IQCH: variants seen among roughly 807,000 people sequenced by gnomAD.
The protein encoded by IQCH is IQ motif containing H.
IQCH carries 98 observed loss-of-function variants against 117.0 expected under a neutral mutation model. The ratio of observed to expected loss-of-function variants is 0.84; its 90% confidence interval spans 0.71 to 0.99. IQCH has a LOEUF of 0.99. Among genes scored for constraint, IQCH ranks in the 50% least tolerant of loss-of-function variants. The pLI is 0.00. For synonymous variants in IQCH, 412 were observed against 448.2 expected (o/e 0.92, Z 1.02); for missense variants, 1,102 against 1,243.8 (o/e 0.89, Z 1.72).
At position 67,459,181 on chromosome 15, in the gene IQCH, T is replaced by G. The variant is rs1180453347; in HGVS notation, c.2506-5946T>G. The stretch of plus-strand genomic sequence containing the variant: ...TGGGTCATTTATCCTGTCTGAAATC[T>G]CTGGTTCTTCTTACAAAAAGAAAAA... On this transcript the variant is annotated intron_variant, in intron 16 of 20. Coordinates refer to ENST00000335894, the MANE Select transcript of IQCH (RefSeq NM_001031715.3). The surrounding 1 kb of genome is among the most constrained non-coding windows in gnomAD (Gnocchi z 4.2). 6.6e-6 allele frequency among the ~76,000 whole-genome samples: 1 copy of G among 152,156 alleles called. No individual in the cohort carries two copies. Among genetic ancestry groups the G allele is most frequent in the African/African-American group, 2.4e-5 (1 of 41,434 alleles).
intron 16 of IQCH, among the ~76,000 whole-genome samples, chr15:67,444,690 T>A (rs1042012802): frequency 6.6e-6 from 1 of 152,226 alleles, no homozygotes; most frequent in East Asian, 1.9e-4. Context: ...TTTATTCTTA[T>A]AATTAGCTTG....
At chr15:67,276,777 T>C (rs1362520730) in intron 3 of IQCH, among the ~76,000 whole-genome samples, 1 of 152,194 alleles carries the variant, frequency 6.6e-6, no homozygotes, top group African/African-American at 2.4e-5. Context: ...ATAGTTTAAA[T>C]ATGATATGTA....
chr15:67,478,541 G>A (rs1400233143), intron 18 of IQCH, among the ~76,000 whole-genome samples: 1 of 152,096 alleles, frequency 6.6e-6, no homozygotes, highest in African/African-American at 2.4e-5. Flanking sequence ...ATGAAACAAT[G>A]CAAAGAAGAA....
intron 17 of IQCH, among the ~76,000 whole-genome samples, chr15:67,469,033 T>C (rs180870987): frequency 1.3e-5 from 2 of 152,362 alleles, no homozygotes. Flanking sequence ...AAGGAGTATT[T>C]TGAGCTTCCT....
chr15:67,470,306 T>C (rs1248082415), intron 17 of IQCH, among the ~76,000 whole-genome samples: 1 of 152,100 alleles, frequency 6.6e-6, no homozygotes, highest in Non-Finnish European at 1.5e-5. Flanking sequence ...GCCTCCCGAG[T>C]AGCTGGGACT....
At chr15:67,317,374 T>C (rs1315203970) in intron 4 of IQCH, among the ~76,000 whole-genome samples, 3 of 152,074 alleles carry the variant, frequency 2.0e-5, no homozygotes, top group Non-Finnish European at 4.4e-5. Context: ...AGCTAATTTC[T>C]GTATTTTTTA....
rs1417968450 is a variant in IQCH at position 67,364,295 on chromosome 15, T to C, written c.753+4410T>C. On this transcript the variant is annotated intron_variant, in intron 8 of 20. Coordinates refer to ENST00000335894, the MANE Select transcript of IQCH (RefSeq NM_001031715.3). The surrounding 1 kb of genome is among the most constrained non-coding windows in gnomAD (Gnocchi z 4.1). ...TCTCATTGTGGTTTTGATTTGCATG[T>C]AGAATCTTTTAAAAAGAGTTACCAT... 6.6e-6 allele frequency among the ~76,000 whole-genome samples: 1 copy of C among 152,220 alleles called. No homozygotes were observed. The highest frequency in any genetic ancestry group is 1.5e-5 in the Non-Finnish European group (1 of 68,044).
In IQCH at chr15:67,400,181, A is replaced by T. The variant is rs752440507; in HGVS notation, c.1973A>T (p.Asp658Val). Residue 658 changes from aspartate to valine, a missense_variant, in exon 14 of 21, where the codon GAC (aspartate) becomes GTC (valine). Asp to Val is a radical substitution (Grantham distance 152). Around this residue, in one of 2 missense-constraint regions of IQCH, gnomAD observed 650 missense variants for 794.3 expected, o/e 0.82. Coordinates refer to ENST00000335894, the MANE Select transcript of IQCH (RefSeq NM_001031715.3). Reference sequence around the variant, plus strand: ...ATACAGCGTTGGCTCTTTAAAATGGACTCTGAGTTCCGAGGAAATGGGACT... The same window carrying T: ...ATACAGCGTTGGCTCTTTAAAATGGTCTCTGAGTTCCGAGGAAATGGGACT... ...LQIQRWLFKM[D>V]SEFRGNGTAF... is the part of the protein sequence containing the mutation. 2.0e-5 allele frequency: 33 copies of T among 1,613,654 alleles called. No individual in the cohort carries two copies. Among genetic ancestry groups the T allele is most frequent in the African/African-American group, 5.3e-5 (4 of 74,876 alleles).
chr15:67,371,410 C>T (rs571875490), intron 8 of IQCH: 1 of 1,227,390 alleles, frequency 8.1e-7, no homozygotes, highest in African/African-American at 1.6e-5. Context: ...GCAAATGCTC[C>T]CTTGGTTTTG....
At chr15:67,294,149 T>C (rs945075678) in intron 4 of IQCH, among the ~76,000 whole-genome samples, 1 of 152,168 alleles carries the variant, frequency 6.6e-6, no homozygotes, top group Non-Finnish European at 1.5e-5. Flanking sequence ...GACCTCTGCA[T>C]CCTAGACTGC....
Position 67,372,433 on chromosome 15 carries a change from C to T in IQCH, c.1076C>T (p.Pro359Leu), listed in dbSNP as rs1970573792. 2 of 1,614,026 alleles carry T rather than the reference C, an allele frequency of 1.2e-6. No homozygotes were observed. Among genetic ancestry groups the T allele is most frequent in the South Asian group, 1.1e-5 (1 of 91,066 alleles). Reference sequence around the variant, plus strand: ...CATGTCCAAATGCTGATAAATCTTCCAGGGCAAAGGTACAAGGGCCAAGAT... The same window carrying T: ...CATGTCCAAATGCTGATAAATCTTCTAGGGCAAAGGTACAAGGGCCAAGAT... ...PAHVQMLINL[P>L]GQRYKGQDGN... The change falls in exon 9 of 21, where the codon CCA becomes CTA. Residue 359 changes from proline (P) to leucine (L), a missense_variant. Physicochemically the swap from Pro to Leu is moderately conservative, Grantham distance 98. Transcript: ENST00000335894.
At chr15:67,315,709 C>G (rs1188197258) in intron 4 of IQCH, among the ~76,000 whole-genome samples, 1 of 152,158 alleles carries the variant, frequency 6.6e-6, no homozygotes, top group Non-Finnish European at 1.5e-5. Context: ...TCGCCTTCAG[C>G]TGATGTCTTA....
chr15:67,451,785 C>T (rs188775980), intron 16 of IQCH, among the ~76,000 whole-genome samples: 2 of 152,242 alleles, frequency 1.3e-5, no homozygotes, highest in Admixed American at 6.5e-5. Flanking sequence ...TCCTTGTTAA[C>T]TTTCTGTCTC....
chr15:67,346,500 T>G (rs1290832349), intron 6 of IQCH, among the ~76,000 whole-genome samples: 2 of 152,192 alleles, frequency 1.3e-5, no homozygotes, highest in Non-Finnish European at 2.9e-5. Context: ...CCCTCATATG[T>G]GCAGTTCACA....
chr15:67,353,351 T>C (rs1178689305), intron 6 of IQCH, among the ~76,000 whole-genome samples: 2 of 74,148 alleles, frequency 2.7e-5, no homozygotes, highest in Non-Finnish European at 7.3e-5. Flanking sequence ...TTTTTTATTT[T>C]ATATTTATTT....
At chr15:67,322,875 G>T (rs1480080579) in intron 4 of IQCH, among the ~76,000 whole-genome samples, 1 of 152,150 alleles carries the variant, frequency 6.6e-6, no homozygotes, top group Admixed American at 6.5e-5. Context: ...GGGAGTGTGT[G>T]CTGATTGGTT....
rs1255186293 is a variant in IQCH at position 67,433,097 on chromosome 15, TG to T, written c.2505+11523del. Among the ~76,000 whole-genome samples the T allele has an allele frequency of 1.3e-5, 2 of 152,226 alleles. No homozygotes were observed. The highest frequency in any genetic ancestry group is 2.9e-5 in the Non-Finnish European group (2 of 68,044). ...TATTCAGTGTTTTAAAGTGCTATAG[TG>T]GGCAGATTGTTAATCACAAGTTAAT... is the stretch of plus-strand genomic sequence containing the variant. On this transcript the variant is annotated intron_variant, in intron 16 of 20. Coordinates refer to ENST00000335894, the MANE Select transcript of IQCH (RefSeq NM_001031715.3). The surrounding 1 kb of genome is among the most constrained non-coding windows in gnomAD (Gnocchi z 5.4).
intron 13 of IQCH, among the ~76,000 whole-genome samples, chr15:67,398,026 G>A (rs191007188): frequency 6.6e-6 from 1 of 152,236 alleles, no homozygotes; most frequent in Admixed American, 6.5e-5. Flanking sequence ...TTCCAGTGGT[G>A]CAATCTTTAC....
intron 4 of IQCH, among the ~76,000 whole-genome samples, chr15:67,316,400 G>A (rs954354550): frequency 3.5e-4 from 53 of 152,104 alleles, no homozygotes; most frequent in Admixed American, 9.2e-4. Flanking sequence ...CATTTTACTT[G>A]TGGAATTATG....
Sources: allele counts gnomAD v4.1 joint callset (sites outside exome capture counted in the v4.1 genomes callset), GRCh38; gene constraint gnomAD v4.1.1; regional missense constraint gnomAD v4.1.1; non-coding constraint Gnocchi (gnomAD v3.1); transcripts MANE v1.5; gene names NCBI Gene and HGNC (gene_info 2026-07-23, HGNC 2026-07-21).